Variants in SOX6 observed in about 807,000 individuals in gnomAD.
The protein encoded by SOX6 is transcription factor SOX-6.
In SOX6, 11 loss-of-function variants were observed where a neutral mutation model predicts 97.8. The observed-to-expected ratio is 0.11, with a 90% CI of 0.07 to 0.19. SOX6 has a LOEUF of 0.19. SOX6 is among the 10% of genes least tolerant of loss of function. The pLI is 1.00. For synonymous variants in SOX6, 360 were observed against 371.4 expected (o/e 0.97, Z 0.35); for missense variants, 810 against 1,039.5 (o/e 0.78, Z 3.04).
chr11:16,187,603 G>A (rs1289328555), intron 4 of SOX6, among the ~76,000 whole-genome samples: 1 of 152,090 alleles, frequency 6.6e-6, no homozygotes, highest in Admixed American at 6.5e-5. Context: ...AAAGGCAACA[G>A]TGTTGCTTGG....
chr11:16,698,829 T>C (rs1203964822), intron 3 of SOX6, among the ~76,000 whole-genome samples: 1 of 152,188 alleles, frequency 6.6e-6, no homozygotes, highest in Non-Finnish European at 1.5e-5. Context: ...ATTAGGTTCA[T>C]TGTCATTTAT....
chr11:16,537,344 G>C (rs1861325373), intron 4 of SOX6, among the ~76,000 whole-genome samples: 1 of 152,158 alleles, frequency 6.6e-6, no homozygotes, highest in Admixed American at 6.5e-5. Flanking sequence ...ACCAAAGGTA[G>C]ATAAAAACCA....
chr11:16,683,527 A>G (rs1271058441), intron 3 of SOX6, among the ~76,000 whole-genome samples: 4 of 152,180 alleles, frequency 2.6e-5, no homozygotes, highest in South Asian at 2.1e-4. Context: ...AAATTGGCTA[A>G]CCATATGTAG....
chr11:16,523,130 C>T (rs1237302092), intron 4 of SOX6, among the ~76,000 whole-genome samples: 1 of 152,102 alleles, frequency 6.6e-6, no homozygotes, highest in Non-Finnish European at 1.5e-5. Context: ...ACCAAGTGGA[C>T]CTAATAGACA....
chr11:16,100,625 C>T (rs532113226), intron 7 of SOX6, among the ~76,000 whole-genome samples: 3 of 151,422 alleles, frequency 2.0e-5, no homozygotes, highest in African/African-American at 7.2e-5. Context: ...TGACATGAAG[C>T]AGAAAATTAG....
chr11:16,298,355 G>T lies in SOX6; in HGVS notation c.445+20091C>A, dbSNP rs192640831. Among the ~76,000 whole-genome samples the T allele has an allele frequency of 1.2e-4, 19 of 152,150 alleles. No homozygotes were observed. In the East Asian group the frequency reaches 2.5e-3, roughly 20 times the overall value. On this transcript the variant is annotated intron_variant, in intron 3 of 15. Coordinates refer to ENST00000683767, the MANE Select transcript of SOX6 (RefSeq NM_001367873.1). ...ACCTTTGGCTTAAAATATACTTAAA[G>T]ACATAAATGTCTAAAATGTAAGGAA...
chr11:16,003,803 AAAT>A (rs1197637044), intron 13 of SOX6, among the ~76,000 whole-genome samples: 1 of 152,012 alleles, frequency 6.6e-6, no homozygotes, highest in Non-Finnish European at 1.5e-5. Flanking sequence ...TTGATGTGGA[AAAT>A]GTACCCATAG....
chr11:16,499,494 C>A (rs962081793), intron 4 of SOX6, among the ~76,000 whole-genome samples: 1 of 152,076 alleles, frequency 6.6e-6, no homozygotes, highest in African/African-American at 2.4e-5. Flanking sequence ...CACCAAACAA[C>A]CCTTCAAAAA....
intron 4 of SOX6, among the ~76,000 whole-genome samples, chr11:16,199,769 A>G (rs1387449987): frequency 6.6e-6 from 1 of 152,200 alleles, no homozygotes; most frequent in East Asian, 1.9e-4. Flanking sequence ...CAGACTTGAA[A>G]ATTCTGTATT....
chr11:16,376,653 C>G (rs1026404378), intron 1 of SOX6, among the ~76,000 whole-genome samples: 1 of 152,050 alleles, frequency 6.6e-6, no homozygotes, highest in South Asian at 2.1e-4. Flanking sequence ...CACATGATCT[C>G]TATAAGGTTA....
intron 6 of SOX6, among the ~76,000 whole-genome samples, chr11:16,132,441 GAAAAAAGAAAGAAAGA>G (rs1849826643): frequency 1.8e-5 from 1 of 54,708 alleles, no homozygotes; most frequent in Non-Finnish European, 3.3e-5. Context: ...AAGAAAGAAA[GAAAAAAGAAAGAAAGA>G]AAGAAAGAAA....
At chr11:16,306,209 C>T (rs569907472) in intron 3 of SOX6, among the ~76,000 whole-genome samples, 9 of 152,124 alleles carry the variant, frequency 5.9e-5, no homozygotes, top group African/African-American at 1.4e-4. Flanking sequence ...AAAATATTAC[C>T]GCTGGGGGAA....
intron 3 of SOX6, among the ~76,000 whole-genome samples, chr11:16,281,517 AT>A (rs1854564041): frequency 6.6e-6 from 1 of 152,084 alleles, no homozygotes; most frequent in Non-Finnish European, 1.5e-5. Flanking sequence ...GTCAGACATA[AT>A]CAAAGCTTTC....
intron 3 of SOX6, among the ~76,000 whole-genome samples, chr11:16,249,729 T>C (rs1853451501): frequency 2.0e-5 from 3 of 152,172 alleles, no homozygotes; most frequent in Admixed American, 2.0e-4. Flanking sequence ...TGCCACCAGG[T>C]AGAAAGCCAA....
intron 6 of SOX6, 86 bp downstream of exon 6, chr11:16,183,800 G>C: frequency 8.4e-7 from 1 of 1,192,308 alleles, no homozygotes; most frequent in Non-Finnish European, 1.2e-6. Flanking sequence ...TTATAAGACA[G>C]GGGTACATCT....
intron 3 of SOX6, among the ~76,000 whole-genome samples, chr11:16,667,064 TA>T (rs35241540): frequency 1.2e-3 from 174 of 142,300 alleles, no homozygotes; most frequent in Middle Eastern, 3.6e-3. Context: ...ACCAAAAAAT[TA>T]AAAAAAAAAA....
chr11:16,049,747 C>T lies in SOX6; in HGVS notation c.1435+8G>A, dbSNP rs1847636546. The T allele has an allele frequency of 6.2e-6, 10 of 1,613,188 alleles. No individual in the cohort carries two copies. Among genetic ancestry groups the T allele is most frequent in the Middle Eastern group, 1.7e-4 (1 of 5,744 alleles). ...AAGTCTCTTCCTGGTGTTGACTTTT[C>T]CATTTACCTAAAGAGGATCCTCTTC... On this transcript the variant is annotated splice_region_variant and intron_variant, in intron 11 of 15. Transcript: ENST00000683767.
intron 15 of SOX6, among the ~76,000 whole-genome samples, chr11:15,983,126 A>G (rs1260129272): frequency 6.6e-6 from 1 of 152,098 alleles, no homozygotes; most frequent in Non-Finnish European, 1.5e-5. Context: ...AGCCAGATAC[A>G]TACAAACAAA....
chr11:16,033,164 CT>C (rs2133888062), intron 12 of SOX6, among the ~76,000 whole-genome samples: 1 of 152,330 alleles, frequency 6.6e-6, no homozygotes, highest in East Asian at 1.9e-4. Flanking sequence ...ATGGTGAGCA[CT>C]TCCTACCTAA....
Sources: gnomAD v4.1 joint callset for allele counts (sites outside exome capture counted in the v4.1 genomes callset) on GRCh38, gnomAD v4.1.1 for gene constraint, MANE v1.5 for transcripts, NCBI Gene and HGNC (gene_info 2026-07-23, HGNC 2026-07-21) for gene names.